ZNF804B: variants seen among roughly 807,000 people sequenced by gnomAD.
ZNF804B encodes zinc finger 804B.
ZNF804B carries 80 observed loss-of-function variants against 101.4 expected under a neutral mutation model. The observed-to-expected ratio is 0.79, with a 90% CI of 0.66 to 0.95. The LOEUF (loss-of-function observed/expected upper bound fraction) is 0.95. Among genes scored for constraint, ZNF804B ranks in the 40% least tolerant of loss-of-function variants. ZNF804B has a pLI of 0.00. For missense variants in ZNF804B, 1,673 were observed against 1,561.9 expected, an observed-to-expected ratio of 1.07 and a Z score of -1.20; for synonymous variants, 622 against 558.8, an observed-to-expected ratio of 1.11 and a Z score of -1.59.
chr7:89,217,410 G>A (rs1788913786), intron 1 of ZNF804B, among the ~76,000 whole-genome samples: 1 of 152,132 alleles, frequency 6.6e-6, no homozygotes, highest in African/African-American at 2.4e-5. Context: ...CATCTATAAT[G>A]CAGACTAAAA....
At chr7:88,783,790 C>T (rs191770713) in intron 1 of ZNF804B, among the ~76,000 whole-genome samples, 32 of 152,102 alleles carry the variant, frequency 2.1e-4, no homozygotes, top group Admixed American at 4.6e-4. Context: ...GTGATATAAA[C>T]GGTAGAACAT....
intron 1 of ZNF804B, among the ~76,000 whole-genome samples, chr7:88,879,994 G>A (rs1346622380): frequency 1.3e-5 from 2 of 151,818 alleles, no homozygotes; most frequent in African/African-American, 2.4e-5. Flanking sequence ...AGCCAAGATC[G>A]TGCCACTGCA....
At chr7:89,048,254 A>G (rs1309975462) in intron 1 of ZNF804B, among the ~76,000 whole-genome samples, 1 of 151,882 alleles carries the variant, frequency 6.6e-6, no homozygotes, top group East Asian at 1.9e-4. Flanking sequence ...TGTAAAAAGG[A>G]ATGAATTAAT....
At chr7:89,277,281 A>C (rs918861264) in intron 2 of ZNF804B, among the ~76,000 whole-genome samples, 16 of 150,388 alleles carry the variant, frequency 1.1e-4, no homozygotes, top group Non-Finnish European at 2.2e-4. Flanking sequence ...ATCTGATGCT[A>C]AGATCTACCA....
At chr7:89,002,761 G>C (rs1384002279) in intron 1 of ZNF804B, among the ~76,000 whole-genome samples, 2 of 151,840 alleles carry the variant, frequency 1.3e-5, no homozygotes, top group Non-Finnish European at 2.9e-5. Flanking sequence ...TAAATAATAA[G>C]TGAATGGATG....
intron 1 of ZNF804B, among the ~76,000 whole-genome samples, chr7:88,874,503 CTA>C (rs1471001105): frequency 6.6e-6 from 1 of 152,036 alleles, no homozygotes; most frequent in Non-Finnish European, 1.5e-5. Flanking sequence ...ACTTCCAACA[CTA>C]TGTTGAATAG....
chr7:89,092,397 T>C lies in ZNF804B; in HGVS notation c.109-125758T>C, dbSNP rs550054755. On this transcript the variant is annotated intron_variant, in intron 1 of 3. Coordinates refer to ENST00000333190, the MANE Select transcript of ZNF804B (RefSeq NM_181646.5). The stretch of plus-strand genomic sequence containing the variant: ...TGGATTTTACTCTAACATTGATTTC[T>C]TTTCTTTTCTGTTTTTTTTTTTTTT... Among the ~76,000 whole-genome samples, 145 of 139,344 alleles carry C rather than the reference T, an allele frequency of 1.0e-3. 1 individual carries two copies. Among genetic ancestry groups the C allele is most frequent in the African/African-American group, 3.7e-3 (137 of 37,402 alleles). The allele number at this position is 139,344 out of a possible 152,430, so 91.4% of individuals were successfully genotyped here.
At chr7:88,762,906 C>T (rs957501059) in intron 1 of ZNF804B, among the ~76,000 whole-genome samples, 6 of 152,050 alleles carry the variant, frequency 3.9e-5, no homozygotes, top group Non-Finnish European at 8.8e-5. Flanking sequence ...TACTTTTGCT[C>T]CACATTTTTC....
intron 1 of ZNF804B, among the ~76,000 whole-genome samples, chr7:88,784,956 A>C (rs915698113): frequency 1.3e-5 from 2 of 152,110 alleles, no homozygotes; most frequent in African/African-American, 4.8e-5. Context: ...CTCAAGATTT[A>C]GAATGAGGCT....
intron 1 of ZNF804B, among the ~76,000 whole-genome samples, chr7:88,977,469 C>G (rs1793632117): frequency 6.6e-6 from 1 of 151,446 alleles, no homozygotes; most frequent in Non-Finnish European, 1.5e-5. Context: ...ATGGTTCATT[C>G]TTAGTAGGTT....
In ZNF804B at chr7:89,332,149, C is replaced by A. The variant is rs1231710982; in HGVS notation, c.381-1214C>A. ...AAAGATAAATAAAGGGAAGCTAATT[C>A]AATATGTCTATAATATGATTCATCT... On this transcript the variant is annotated intron_variant, in intron 3 of 3. Coordinates refer to ENST00000333190, the MANE Select transcript of ZNF804B (RefSeq NM_181646.5). Among the ~76,000 whole-genome samples the A allele has an allele frequency of 2.0e-5, 3 of 151,562 alleles. No individual in the cohort carries two copies. The East Asian group carries it at 5.8e-4, about 29-fold the overall frequency.
chr7:89,025,656 A>G (rs1788739311), intron 1 of ZNF804B, among the ~76,000 whole-genome samples: 1 of 152,130 alleles, frequency 6.6e-6, no homozygotes, highest in Non-Finnish European at 1.5e-5. Flanking sequence ...CTAACAGTTC[A>G]TAAATAATTT....
intron 1 of ZNF804B, among the ~76,000 whole-genome samples, chr7:89,018,143 G>T (rs1788601100): frequency 6.6e-6 from 1 of 152,092 alleles, no homozygotes; most frequent in African/African-American, 2.4e-5. Flanking sequence ...TATGATGCTA[G>T]CTGTGGGTTC....
intron 1 of ZNF804B, among the ~76,000 whole-genome samples, chr7:89,171,368 CTCT>C (rs1562904623): frequency 7.3e-4 from 60 of 82,398 alleles, no homozygotes; most frequent in South Asian, 2.2e-3. Flanking sequence ...CCTCCTCTTC[CTCT>C]TCTTCCTCTT....
chr7:88,783,723 C>T (rs1162914318), intron 1 of ZNF804B, among the ~76,000 whole-genome samples: 2 of 151,964 alleles, frequency 1.3e-5, no homozygotes, highest in Admixed American at 1.3e-4. Context: ...CTTGCATCTT[C>T]CATCCTAAAA....
Position 88,820,477 on chromosome 7 carries a change from A to C in ZNF804B, c.108+60393A>C, listed in dbSNP as rs73393452. On this transcript the variant is annotated intron_variant, in intron 1 of 3. Coordinates refer to ENST00000333190, the MANE Select transcript of ZNF804B (RefSeq NM_181646.5). ...TCCTGGGAAAAAGAGAAGTCAAGCCATGAGCCTCCCTTTCTCATAGGAACG... is the reference window on the plus strand; with the variant it reads ...TCCTGGGAAAAAGAGAAGTCAAGCCCTGAGCCTCCCTTTCTCATAGGAACG... 1.9e-3 allele frequency among the ~76,000 whole-genome samples: 293 copies of C among 152,290 alleles called. 1 individual carries two copies. The highest frequency in any genetic ancestry group is 7.0e-3 in the African/African-American group (289 of 41,574).
At chr7:88,873,466 T>C (rs1227315228) in intron 1 of ZNF804B, among the ~76,000 whole-genome samples, 5 of 152,214 alleles carry the variant, frequency 3.3e-5, no homozygotes, top group African/African-American at 7.2e-5. Flanking sequence ...AGAAGCTCTT[T>C]AGTTTAATTA....
rs532997949 is a variant in ZNF804B at position 89,093,628 on chromosome 7, G to A, written c.109-124527G>A. On this transcript the variant is annotated intron_variant, in intron 1 of 3. Transcript: ENST00000333190. ...CACACACACATTGCCCTGTTTGTAC[G>A]ATTATCTTAAAGACTAACATTGGTA... Among the ~76,000 whole-genome samples the A allele has an allele frequency of 7.9e-5, 12 of 152,258 alleles. No individual in the cohort carries two copies. In the South Asian group the frequency reaches 1.9e-3, roughly 24 times the overall value.
At chr7:89,122,097 A>G (rs912906886) in intron 1 of ZNF804B, among the ~76,000 whole-genome samples, 3 of 151,914 alleles carry the variant, frequency 2.0e-5, no homozygotes, top group Admixed American at 2.0e-4. Flanking sequence ...ACTTATTTAT[A>G]TAGTTAAAAT....
Sources: allele counts gnomAD v4.1 joint callset (sites outside exome capture counted in the v4.1 genomes callset), GRCh38; gene constraint gnomAD v4.1.1; transcripts MANE v1.5; gene names NCBI Gene and HGNC (gene_info 2026-07-23, HGNC 2026-07-21).